The following RALGPS2 variants were observed in gnomAD, a reference collection of about 807,000 sequenced individuals.
RALGPS2 encodes ras-specific guanine nucleotide-releasing factor RalGPS2.
A neutral mutation model predicts 86.8 loss-of-function variants in RALGPS2; 43 were observed. The observed-to-expected ratio is 0.50, with a 90% CI of 0.39 to 0.64. RALGPS2 has a LOEUF of 0.64. Ranked by LOEUF, RALGPS2 falls within the 30% of genes least tolerant of loss-of-function variation. The pLI is 0.00. For synonymous variants in RALGPS2, 243 were observed against 231.3 expected (o/e 1.05, Z -0.46); for missense variants, 536 against 694.6 (o/e 0.77, Z 2.57).
chr1:178,901,855 T>C (rs1040457444), intron 17 of RALGPS2, among the ~76,000 whole-genome samples: 1 of 151,920 alleles, frequency 6.6e-6, no homozygotes, highest in African/African-American at 2.4e-5. Context: ...TCTCTGGGAA[T>C]AGGGAATAGA....
At chr1:178,788,845 CTTTTCT>C (rs138629544) in intron 4 of RALGPS2, among the ~76,000 whole-genome samples, 524 of 28,462 alleles carry the variant, frequency 0.018, 5 homozygotes, top group African/African-American at 0.077. Context: ...TTCTTTCTTT[CTTTTCT>C]TTTCTTTTCT....
chr1:178,760,022 T>C (rs1652155693), intron 1 of RALGPS2, among the ~76,000 whole-genome samples: 2 of 152,306 alleles, frequency 1.3e-5, no homozygotes, highest in Middle Eastern at 3.4e-3. Context: ...GATAATATTG[T>C]CTGTAAACAA....
chr1:178,876,989 A>G (rs1659034344), intron 8 of RALGPS2, among the ~76,000 whole-genome samples: 1 of 152,180 alleles, frequency 6.6e-6, no homozygotes, highest in Non-Finnish European at 1.5e-5. Flanking sequence ...AACTCAAGGC[A>G]AGAGAGTAAA....
chr1:178,882,084 G>C (rs1357188800), intron 10 of RALGPS2, among the ~76,000 whole-genome samples: 1 of 152,088 alleles, frequency 6.6e-6, no homozygotes, highest in Non-Finnish European at 1.5e-5. Flanking sequence ...ATTATAATGT[G>C]GTGCTTTGAC....
chr1:178,773,291 G>A (rs935692484), intron 1 of RALGPS2, among the ~76,000 whole-genome samples: 1 of 152,100 alleles, frequency 6.6e-6, no homozygotes, highest in Non-Finnish European at 1.5e-5. Context: ...GCTGCAGTGA[G>A]CTAAGATTGT....
chr1:178,893,197 G>A (rs1659789678), intron 15 of RALGPS2, among the ~76,000 whole-genome samples: 1 of 151,434 alleles, frequency 6.6e-6, no homozygotes, highest in South Asian at 2.1e-4. Flanking sequence ...TTAAACATAG[G>A]ACCTTAAATC....
rs1306180860 is a variant in RALGPS2 at position 178,813,622 on chromosome 1, A to G, written c.387+2218A>G. On this transcript the variant is annotated intron_variant, in intron 6 of 19. Transcript: ENST00000367635. ...GTATAAACATGTATAAAGAGATCTA[A>G]ATATAAAATGTATAAATAGATTTTA... Among the ~76,000 whole-genome samples, 10 of 152,350 alleles carry G rather than the reference A, an allele frequency of 6.6e-5. No homozygotes were observed. In the East Asian group the frequency reaches 1.9e-3, roughly 29 times the overall value.
At chr1:178,902,246 G>T in intron 18 of RALGPS2, 35 bp downstream of exon 18, 1 of 1,491,148 alleles carries the variant, frequency 6.7e-7, no homozygotes, top group Non-Finnish European at 9.4e-7. Flanking sequence ...TTACGATACT[G>T]CGTATGTGTT....
At chr1:178,812,957 G>A (rs886262958) in intron 6 of RALGPS2, among the ~76,000 whole-genome samples, 4 of 141,292 alleles carry the variant, frequency 2.8e-5, no homozygotes, top group Non-Finnish European at 1.5e-5. Context: ...TTTGGAGGTG[G>A]TGTTGCGCTC....
chr1:178,766,624 T>C (rs1652521550), intron 1 of RALGPS2, among the ~76,000 whole-genome samples: 2 of 152,236 alleles, frequency 1.3e-5, no homozygotes, highest in Non-Finnish European at 2.9e-5. Context: ...GCCATTAGCC[T>C]GATGGGGTTC....
At chr1:178,818,832 T>C (rs1419074281) in intron 6 of RALGPS2, among the ~76,000 whole-genome samples, 1 of 152,226 alleles carries the variant, frequency 6.6e-6, no homozygotes, top group Non-Finnish European at 1.5e-5. Context: ...TTGTGTTCTT[T>C]GTGTCCACAA....
chr1:178,830,896 C>T (rs977737022), intron 7 of RALGPS2, among the ~76,000 whole-genome samples: 3 of 150,328 alleles, frequency 2.0e-5, no homozygotes, highest in Admixed American at 6.6e-5. Context: ...CTCTTAACAA[C>T]GAAAAAAGAA....
At chr1:178,834,501 C>T (rs1656174952) in intron 8 of RALGPS2, among the ~76,000 whole-genome samples, 2 of 152,154 alleles carry the variant, frequency 1.3e-5, no homozygotes, top group Admixed American at 1.3e-4. Flanking sequence ...CTTAGTTTCC[C>T]AGAGAAGAGT....
Position 178,897,963 on chromosome 1 carries a change from G to T in RALGPS2, c.1524+207G>T, listed in dbSNP as rs111830070. On this transcript the variant is annotated intron_variant, in intron 17 of 19. Coordinates refer to ENST00000367635, the MANE Select transcript of RALGPS2 (RefSeq NM_152663.5). Reference sequence around the variant, plus strand: ...ACTGCACATTACGCTTATCTATTTTGACATCAAAGCTTTCTCAAATCTGGA... The same window carrying T: ...ACTGCACATTACGCTTATCTATTTTTACATCAAAGCTTTCTCAAATCTGGA... Among the ~76,000 whole-genome samples, 193 of 151,932 alleles carry T rather than the reference G, an allele frequency of 1.3e-3. 2 individuals carry two copies. The highest frequency in any genetic ancestry group is 4.3e-3 in the African/African-American group (177 of 41,454).
intron 8 of RALGPS2, among the ~76,000 whole-genome samples, chr1:178,849,478 A>C (rs543352135): frequency 1.3e-5 from 2 of 152,316 alleles, no homozygotes; most frequent in Non-Finnish European, 2.9e-5. Context: ...AAAATTCTGT[A>C]AGGCTTGTCT....
At chr1:178,903,204 T>C (rs1294588656) in intron 18 of RALGPS2, among the ~76,000 whole-genome samples, 1 of 152,196 alleles carries the variant, frequency 6.6e-6, no homozygotes, top group Non-Finnish European at 1.5e-5. Flanking sequence ...ATTCAGATAC[T>C]ATTTTGTATC....
At chr1:178,857,920 G>A (rs1286698383) in intron 8 of RALGPS2, among the ~76,000 whole-genome samples, 2 of 152,094 alleles carry the variant, frequency 1.3e-5, no homozygotes, top group Non-Finnish European at 2.9e-5. Flanking sequence ...GATGTTTAAA[G>A]CAAAATAGAG....
At chr1:178,823,863 G>C (rs1214197570) in intron 7 of RALGPS2, among the ~76,000 whole-genome samples, 1 of 152,160 alleles carries the variant, frequency 6.6e-6, no homozygotes, top group African/African-American at 2.4e-5. Context: ...ACAAGTTTAA[G>C]GGAGTGGTTG....
chr1:178,888,413 A>G (rs768945382), intron 13 of RALGPS2, among the ~76,000 whole-genome samples: 3 of 152,228 alleles, frequency 2.0e-5, no homozygotes, highest in Non-Finnish European at 4.4e-5. Context: ...AAAATTAACC[A>G]GTGCTTAGAA....
Sources: gnomAD v4.1 joint callset for allele counts (sites outside exome capture counted in the v4.1 genomes callset) on GRCh38, gnomAD v4.1.1 for gene constraint, MANE v1.5 for transcripts, NCBI Gene and HGNC (gene_info 2026-07-23, HGNC 2026-07-21) for gene names.